HDAC9: variants seen among roughly 807,000 people sequenced by gnomAD.
The protein encoded by HDAC9 is histone deacetylase 9.
In HDAC9, 41 loss-of-function variants were observed where a neutral mutation model predicts 139.4. The observed-to-expected ratio is 0.29, with a 90% CI of 0.23 to 0.38. HDAC9 has a LOEUF of 0.38. HDAC9 is among the 10% of genes least tolerant of loss of function. HDAC9 has a pLI of 1.00. For synonymous variants in HDAC9, 517 were observed against 476.2 expected, an observed-to-expected ratio of 1.09 and a Z score of -1.12; for missense variants, 1,147 against 1,297.0, an observed-to-expected ratio of 0.88 and a Z score of 1.78.
At chr7:18,923,727 C>A (rs1472501435) in intron 22 of HDAC9, among the ~76,000 whole-genome samples, 1 of 151,992 alleles carries the variant, frequency 6.6e-6, no homozygotes, top group Non-Finnish European at 1.5e-5. Context: ...CACAAGTAGA[C>A]CATGGCTTAA....
At chr7:18,927,943 T>A (rs1804380830) in intron 22 of HDAC9, among the ~76,000 whole-genome samples, 2 of 152,186 alleles carry the variant, frequency 1.3e-5, no homozygotes, top group Admixed American at 6.5e-5. Context: ...GGGAGACTTG[T>A]CATGAATGGG....
Position 18,718,706 on chromosome 7 carries a change from C to T in HDAC9, c.1732-8874C>T, listed in dbSNP as rs1277130946. On this transcript the variant is annotated intron_variant, in intron 12 of 25. Transcript: ENST00000686413. The stretch of plus-strand genomic sequence containing the variant: ...ACATTTGGATTGTTTGTACTTTGGG[C>T]TTTCACGAATAGTGCTGCTATGAAC... Among the ~76,000 whole-genome samples the T allele has an allele frequency of 2.0e-5, 3 of 152,162 alleles. No individual in the cohort carries two copies. In the East Asian group the frequency reaches 5.8e-4, roughly 29 times the overall value.
intron 1 of HDAC9, among the ~76,000 whole-genome samples, chr7:18,094,746 G>A (rs372663952): frequency 2.6e-5 from 4 of 152,148 alleles, no homozygotes; most frequent in Non-Finnish European, 2.9e-5. Flanking sequence ...GTGAGCCACC[G>A]TGCCAGGCCC....
chr7:18,952,294 A>T lies in HDAC9; in HGVS notation c.2938-1852A>T, dbSNP rs1162323516. Among the ~76,000 whole-genome samples, 3 of 151,932 alleles carry T rather than the reference A, an allele frequency of 2.0e-5. No homozygotes were observed. The East Asian group carries it at 5.8e-4, about 29-fold the overall frequency. On this transcript the variant is annotated intron_variant, in intron 23 of 25. Transcript: ENST00000686413. ...ACTCTGAATCACGTATGCTTTCTGT[A>T]TAACCTGAGTCTTTAAAATAGCCCA... is the stretch of plus-strand genomic sequence containing the variant.
chr7:18,217,593 A>G (rs1033639840), intron 2 of HDAC9, among the ~76,000 whole-genome samples: 16 of 152,314 alleles, frequency 1.1e-4, no homozygotes, highest in African/African-American at 3.4e-4. Flanking sequence ...ACCAACTAAC[A>G]TAGGTGTGCT....
intron 21 of HDAC9, among the ~76,000 whole-genome samples, chr7:18,857,160 GA>G (rs1156588130): frequency 6.6e-6 from 1 of 151,686 alleles, no homozygotes; most frequent in Non-Finnish European, 1.5e-5. Flanking sequence ...CTTTTGTCTG[GA>G]AGTATTTATT....
intron 12 of HDAC9, among the ~76,000 whole-genome samples, chr7:18,719,693 G>T (rs558071367): frequency 2.0e-4 from 31 of 151,736 alleles, no homozygotes; most frequent in African/African-American, 7.5e-4. Context: ...GGTCTTATAC[G>T]CAAAAAAAGT....
Position 18,811,992 on chromosome 7 carries a change from T to C in HDAC9, c.2323-17169T>C, listed in dbSNP as rs117223099. The stretch of plus-strand genomic sequence containing the variant: ...TACATAAAATGTTGTAATATACACA[T>C]GTAGCTTATGCAATCCTCCGTATAC... On this transcript the variant is annotated intron_variant, in intron 17 of 25. Coordinates refer to ENST00000686413, the MANE Select transcript of HDAC9 (RefSeq NM_178425.4). Among the ~76,000 whole-genome samples the C allele has an allele frequency of 7.3e-3, 1,112 of 152,024 alleles. 8 individuals carry two copies. Among genetic ancestry groups the C allele is most frequent in the Non-Finnish European group, 0.01 (704 of 67,808 alleles).
At chr7:18,671,543 T>C (rs1420847260) in intron 12 of HDAC9, among the ~76,000 whole-genome samples, 2 of 152,084 alleles carry the variant, frequency 1.3e-5, no homozygotes, top group Non-Finnish European at 2.9e-5. Flanking sequence ...TTGTATATTG[T>C]TCTCGGCTTC....
intron 22 of HDAC9, among the ~76,000 whole-genome samples, chr7:18,933,207 A>G (rs1263995885): frequency 6.6e-6 from 1 of 152,214 alleles, no homozygotes; most frequent in Non-Finnish European, 1.5e-5. Flanking sequence ...TCAGCTTGCC[A>G]GCATGGTCAG....
intron 11 of HDAC9, among the ~76,000 whole-genome samples, chr7:18,659,893 T>C (rs1284843733): frequency 6.6e-6 from 1 of 152,144 alleles, no homozygotes; most frequent in East Asian, 1.9e-4. Flanking sequence ...CACCTCCAGA[T>C]GTTCAACCAA....
At chr7:18,344,599 TCC>T (rs1413801306) in intron 1 of HDAC9, among the ~76,000 whole-genome samples, 2 of 151,970 alleles carry the variant, frequency 1.3e-5, no homozygotes, top group African/African-American at 4.8e-5. Flanking sequence ...TTTCTTTGCA[TCC>T]CAAATTACCA....
intron 1 of HDAC9, among the ~76,000 whole-genome samples, chr7:18,433,845 A>G (rs1790913092): frequency 6.6e-6 from 1 of 152,224 alleles, no homozygotes; most frequent in African/African-American, 2.4e-5. Flanking sequence ...TCCATATGGC[A>G]CAAAGCAATT....
At chr7:18,420,614 C>T (rs1789530196) in intron 1 of HDAC9, among the ~76,000 whole-genome samples, 1 of 152,150 alleles carries the variant, frequency 6.6e-6, no homozygotes, top group Non-Finnish European at 1.5e-5. Flanking sequence ...TATTCACTGA[C>T]TCCATAAATT....
intron 2 of HDAC9, among the ~76,000 whole-genome samples, chr7:18,538,252 C>A (rs1811534307): frequency 6.6e-6 from 1 of 152,120 alleles, no homozygotes; most frequent in Non-Finnish European, 1.5e-5. Context: ...TGTCTGGTAT[C>A]CTACTAGTGA....
At chr7:18,589,314 C>G (rs567256841) in intron 3 of HDAC9, among the ~76,000 whole-genome samples, 2 of 152,188 alleles carry the variant, frequency 1.3e-5, no homozygotes, top group East Asian at 3.9e-4. Flanking sequence ...TCACTTGAGG[C>G]CAGGAGTTTG....
chr7:18,516,687 C>T (rs541794829), intron 2 of HDAC9, among the ~76,000 whole-genome samples: 1 of 151,968 alleles, frequency 6.6e-6, no homozygotes, highest in African/African-American at 2.4e-5. Flanking sequence ...ATGGCCAAAC[C>T]CTGTCTCTAC....
chr7:18,642,104 G>A (rs1489890037), intron 8 of HDAC9, among the ~76,000 whole-genome samples: 1 of 152,074 alleles, frequency 6.6e-6, no homozygotes, highest in African/African-American at 2.4e-5. Context: ...GGTCTGTAAA[G>A]TTTCTATGAA....
chr7:18,293,346 T>A (rs549448962), intron 1 of HDAC9, among the ~76,000 whole-genome samples: 1 of 152,026 alleles, frequency 6.6e-6, no homozygotes, highest in Non-Finnish European at 1.5e-5. Flanking sequence ...TAAGGGTACA[T>A]GTGCACAACG....
Sources: gnomAD v4.1 joint callset for allele counts (sites outside exome capture counted in the v4.1 genomes callset) on GRCh38, gnomAD v4.1.1 for gene constraint, MANE v1.5 for transcripts, NCBI Gene and HGNC (gene_info 2026-07-23, HGNC 2026-07-21) for gene names.